The following SHANK2 variants were observed in gnomAD, a reference collection of about 807,000 sequenced individuals.
The protein encoded by SHANK2 is SH3 and multiple ankyrin repeat domains 2, also known as SH3 and multiple ankyrin repeat domains protein 2.
A neutral mutation model predicts 133.7 loss-of-function variants in SHANK2; 43 were observed. That is an observed-to-expected ratio of 0.32 (90% CI 0.25 to 0.41). The LOEUF is 0.41. Ranked by LOEUF, SHANK2 falls within the 10% of genes least tolerant of loss-of-function variation. The pLI is 1.00. For synonymous variants in SHANK2, 1,017 were observed against 952.8 expected (o/e 1.07, Z -1.24); for missense variants, 1,994 against 2,235.8 (o/e 0.89, Z 2.18).
chr11:70,837,461 G>A (rs1367525767), intron 11 of SHANK2, among the ~76,000 whole-genome samples: 2 of 152,206 alleles, frequency 1.3e-5, no homozygotes, highest in Admixed American at 6.5e-5. Flanking sequence ...CGCATGAGGA[G>A]GCTTTCCTTC....
Position 71,234,564 on chromosome 11 carries a change from CGGGGGG to C in SHANK2, c.-112-9774_-112-9769del, listed in dbSNP as rs559065929. On this transcript the variant is annotated intron_variant, in intron 1 of 25. Transcript: ENST00000601538. Reference sequence around the variant, plus strand: ...GTCCTCCACGTGCTGGACTCCGAGTCGGGGGGCCTGTCTGTAGGCAGCCAGACCCAG... The same window carrying C: ...GTCCTCCACGTGCTGGACTCCGAGTCCCTGTCTGTAGGCAGCCAGACCCAG... Among the ~76,000 whole-genome samples the C allele has an allele frequency of 3.0e-3, 463 of 152,070 alleles. 1 individual carries two copies. Among genetic ancestry groups the C allele is most frequent in the Middle Eastern group, 0.01 (3 of 294 alleles).
intron 9 of SHANK2, among the ~76,000 whole-genome samples, chr11:71,073,156 C>CTTTTTTTTTTTTTTTTTT (rs1198101078): frequency 2.5e-5 from 1 of 40,780 alleles, no homozygotes; most frequent in African/African-American, 6.8e-5. Context: ...TCTTTTTTTT[C>CTTTTTTTTTTTTTTTTTT]TTTTTTTTCT....
intron 12 of SHANK2, among the ~76,000 whole-genome samples, chr11:70,815,642 C>T (rs1010266809): frequency 6.6e-6 from 1 of 152,164 alleles, no homozygotes; most frequent in Non-Finnish European, 1.5e-5. Flanking sequence ...GTTGGCACCT[C>T]CATGCAGGAA....
intron 11 of SHANK2, among the ~76,000 whole-genome samples, chr11:70,839,109 A>G (rs1555060866): frequency 6.6e-6 from 1 of 152,250 alleles, no homozygotes. Context: ...AGCAGAAGTC[A>G]TGGGCTCATC....
intron 12 of SHANK2, among the ~76,000 whole-genome samples, chr11:70,809,452 T>C (rs1364233278): frequency 6.6e-6 from 1 of 152,202 alleles, no homozygotes; most frequent in Non-Finnish European, 1.5e-5. Context: ...TCACCTGCCT[T>C]CACTACTGTA....
At position 70,473,237 on chromosome 11, in the gene SHANK2, C is replaced by A; in HGVS notation, c.5182G>T (p.Ala1728Ser). Reference protein sequence around the residue: ...NKETLPAPLSAATASPSPALS... With the variant: ...NKETLPAPLSSATASPSPALS... ...GCGGGAGAAGGAGAGGCGGTGGCAG[C>A]AGACAGGGGGGCGGGCAGGGTCTCT... Residue 1728 changes from alanine (A) to serine (S), a missense_variant, in exon 26 of 26, where the codon GCT becomes TCT. Around this residue, in one of 5 missense-constraint regions of SHANK2, gnomAD observed 797 missense variants for 907.4 expected, o/e 0.88. Transcript: ENST00000601538. The surrounding 1 kb of genome is among the most constrained non-coding windows in gnomAD (Gnocchi z 5.9). 4 of 1,610,064 alleles carry A rather than the reference C, an allele frequency of 2.5e-6. No homozygotes were observed. The highest frequency in any genetic ancestry group is 3.4e-6 in the Non-Finnish European group (4 of 1,176,716).
chr11:71,138,879 C>A (rs782247566), intron 3 of SHANK2, among the ~76,000 whole-genome samples: 1 of 151,902 alleles, frequency 6.6e-6, no homozygotes, highest in Non-Finnish European at 1.5e-5. Flanking sequence ...GAGAGGACAT[C>A]CCCGTCAGCA....
rs117216727 is a variant in SHANK2, at chr11:71,143,976, A to T, written c.207+3144T>A. On this transcript the variant is annotated intron_variant, in intron 3 of 25. Coordinates refer to ENST00000601538, the MANE Select transcript of SHANK2 (RefSeq NM_012309.5). ...AGCACTGCTCTTAGGAACTCTTGCTAAAAAAAACCCACTGAACAGTGAATT... is the reference window on the plus strand; with the variant it reads ...AGCACTGCTCTTAGGAACTCTTGCTTAAAAAAACCCACTGAACAGTGAATT... 1.1e-3 allele frequency among the ~76,000 whole-genome samples: 173 copies of T among 151,838 alleles called. 2 individuals carry two copies. The East Asian group carries it at 0.027, about 23-fold the overall frequency.
At chr11:70,582,253 G>C (rs2060193800) in intron 17 of SHANK2, among the ~76,000 whole-genome samples, 1 of 152,226 alleles carries the variant, frequency 6.6e-6, no homozygotes. Flanking sequence ...GGCACCAGCT[G>C]AAAGGACCAC....
intron 17 of SHANK2, among the ~76,000 whole-genome samples, chr11:70,572,750 C>T (rs2060061890): frequency 6.6e-6 from 1 of 152,206 alleles, no homozygotes; most frequent in African/African-American, 2.4e-5. Context: ...ACGGCACACA[C>T]CAAGTGCCGG....
intron 8 of SHANK2, among the ~76,000 whole-genome samples, chr11:71,085,517 T>A (rs1282785111): frequency 8.9e-6 from 1 of 112,390 alleles, no homozygotes; most frequent in Admixed American, 1.4e-4. Context: ...TTATATTATA[T>A]ATGCTATATA....
intron 17 of SHANK2, among the ~76,000 whole-genome samples, chr11:70,549,205 C>T (rs1351115094): frequency 2.0e-5 from 3 of 152,202 alleles, no homozygotes; most frequent in African/African-American, 7.2e-5. Flanking sequence ...GTCCGACTTA[C>T]GTAGGTACTT....
intron 14 of SHANK2, among the ~76,000 whole-genome samples, chr11:70,779,950 T>TCAGGGCTCATTG (rs6144382): frequency 6.6e-6 from 1 of 151,786 alleles, no homozygotes; most frequent in East Asian, 1.9e-4. Flanking sequence ...GTCGGTCCCA[T>TCAGGGCTCATTG]CAGGACTCTC....
intron 21 of SHANK2, among the ~76,000 whole-genome samples, chr11:70,498,979 ACTTTTCAACC>A (rs2059011512): frequency 6.6e-6 from 1 of 152,216 alleles, no homozygotes; most frequent in Non-Finnish European, 1.5e-5. Flanking sequence ...TTTGGGGGTC[ACTTTTCAACC>A]CAATACAACT....
rs1436263628 is a variant in SHANK2, at chr11:71,188,379, A to G, written c.-13+36318T>C. On this transcript the variant is annotated intron_variant, in intron 2 of 25. Coordinates refer to ENST00000601538, the MANE Select transcript of SHANK2 (RefSeq NM_012309.5). This position sits in a 1 kb window ranked among gnomAD's most constrained non-coding sequence, Gnocchi z 4.6. ...AGCCCATGCCCAGGCCTCAGTACAC[A>G]CCATCCCTCAGCAAGTTGTGCGTTC... Among the ~76,000 whole-genome samples, 4 of 152,118 alleles carry G rather than the reference A, an allele frequency of 2.6e-5. No individual in the cohort carries two copies. The highest frequency in any genetic ancestry group is 9.7e-5 in the African/African-American group (4 of 41,416).
chr11:70,560,132 A>C (rs2059888272), intron 17 of SHANK2, among the ~76,000 whole-genome samples: 1 of 152,110 alleles, frequency 6.6e-6, no homozygotes, highest in Non-Finnish European at 1.5e-5. Context: ...TCAGACTCCC[A>C]AAGTGCTTGG....
At chr11:70,709,638 G>A (rs957147072) in intron 14 of SHANK2, among the ~76,000 whole-genome samples, 1 of 152,196 alleles carries the variant, frequency 6.6e-6, no homozygotes, top group Non-Finnish European at 1.5e-5. Context: ...TCACAGACAC[G>A]GACACTGAGG....
intron 1 of SHANK2, among the ~76,000 whole-genome samples, chr11:71,242,699 T>C (rs577419980): frequency 1.3e-3 from 196 of 152,370 alleles, no homozygotes; most frequent in African/African-American, 4.5e-3. Context: ...TTTGTCTGTC[T>C]GGTTCACTGT....
chr11:70,907,779 G>A (rs933788813), intron 10 of SHANK2: 17 of 375,628 alleles, frequency 4.5e-5, no homozygotes, highest in African/African-American at 2.8e-4. Flanking sequence ...AAGACACATC[G>A]GATATGACAA....
Sources: allele counts gnomAD v4.1 joint callset (sites outside exome capture counted in the v4.1 genomes callset), GRCh38; gene constraint gnomAD v4.1.1; regional missense constraint gnomAD v4.1.1; non-coding constraint Gnocchi (gnomAD v3.1); transcripts MANE v1.5; gene names NCBI Gene and HGNC (gene_info 2026-07-23, HGNC 2026-07-21).